The following KCTD5 variants were observed in gnomAD, a reference collection of about 807,000 sequenced individuals.
The protein encoded by KCTD5 is potassium channel tetramerization domain containing 5.
KCTD5 carries 12 observed loss-of-function variants against 27.9 expected under a neutral mutation model. The ratio of observed to expected loss-of-function variants is 0.43; its 90% CI spans 0.28 to 0.70. KCTD5 has a LOEUF of 0.70. KCTD5 is among the 30% of genes least tolerant of loss of function. The pLI is 0.19. For synonymous variants in KCTD5, 147 were observed against 121.4 expected (o/e 1.21, Z -1.39); for missense variants, 226 against 274.8 (o/e 0.82, Z 1.26).
intron 3 of KCTD5, 58 bp downstream of exon 3, chr16:2,698,055 C>G (rs2067594268): frequency 2.3e-6 from 3 of 1,298,308 alleles, no homozygotes; most frequent in Non-Finnish European, 3.3e-6. Flanking sequence ...AAGGGCTCCC[C>G]TTTACTCCCC....
intron 5 of KCTD5, among the ~76,000 whole-genome samples, chr16:2,704,258 C>T (rs566615982): frequency 1.2e-4 from 19 of 152,338 alleles, no homozygotes; most frequent in East Asian, 3.9e-4. Context: ...TGGGGGATTG[C>T]GGGGGCCAGA....
intron 3 of KCTD5, among the ~76,000 whole-genome samples, chr16:2,698,498 G>T (rs539264326): frequency 2.6e-5 from 4 of 152,244 alleles, no homozygotes; most frequent in Admixed American, 6.5e-5. Flanking sequence ...TGCAGCCAGG[G>T]GAGCCCAGGT....
At chr16:2,690,229 G>C (rs557851406) in intron 1 of KCTD5, among the ~76,000 whole-genome samples, 1 of 152,246 alleles carries the variant, frequency 6.6e-6, no homozygotes. Context: ...CTCTGTCTGC[G>C]GAGTCTTCCT....
chr16:2,687,741 GC>G (rs113201003), intron 1 of KCTD5, among the ~76,000 whole-genome samples: 9,797 of 150,786 alleles, frequency 0.065, 397 homozygotes, highest in African/African-American at 0.1. Context: ...TCTTTTAGCA[GC>G]CCCCCTCCAC....
chr16:2,701,534 G>A lies in KCTD5; in HGVS notation c.550-819G>A, dbSNP rs572375669. Among the ~76,000 whole-genome samples, 294 of 152,328 alleles carry A rather than the reference G, an allele frequency of 1.9e-3. 1 individual carries two copies. The highest frequency in any genetic ancestry group is 3.4e-3 in the Non-Finnish European group (234 of 68,010). On this transcript the variant is annotated intron_variant, in intron 4 of 5. Transcript: ENST00000301738. ...GGCCCATGCCGGCACCCCTGTGGCC[G>A]CCTCACTGGGCTGGGTCCACTGCTG...
At chr16:2,704,569 C>T (rs952282041) in intron 5 of KCTD5, among the ~76,000 whole-genome samples, 1 of 152,246 alleles carries the variant, frequency 6.6e-6, no homozygotes, top group East Asian at 1.9e-4. Flanking sequence ...CATTTATTCC[C>T]AAGGAACAGA....
chr16:2,699,130 C>T (rs1305550140), intron 3 of KCTD5: 6 of 456,116 alleles, frequency 1.3e-5, no homozygotes, highest in South Asian at 9.3e-5. Context: ...CCTCTGAACC[C>T]CTTCTCACTG....
At chr16:2,690,179 G>GGT (rs2067559122) in intron 1 of KCTD5, among the ~76,000 whole-genome samples, 1 of 152,262 alleles carries the variant, frequency 6.6e-6, no homozygotes, top group Non-Finnish European at 1.5e-5. Context: ...ACGTCCATCT[G>GGT]CGGCTGCCCT....
chr16:2,693,793 G>A (rs1395767271), intron 1 of KCTD5, among the ~76,000 whole-genome samples: 5 of 150,864 alleles, frequency 3.3e-5, no homozygotes, highest in Admixed American at 6.6e-5. Context: ...TGGGTGCCCT[G>A]GCACTCATGG....
intron 1 of KCTD5, chr16:2,684,442 G>C (rs1038143175): frequency 1.3e-5 from 2 of 151,408 alleles, no homozygotes; most frequent in Admixed American, 6.6e-5. Context: ...AAAACCAACC[G>C]GGCCAATATG....
At position 2,699,811 on chromosome 16, in the gene KCTD5, G is replaced by A; in HGVS notation, c.454-10G>A. The A allele has an allele frequency of 1.2e-6, 2 of 1,612,744 alleles. No homozygotes were observed. Among genetic ancestry groups the A allele is most frequent in the Non-Finnish European group, 1.7e-6 (2 of 1,179,408 alleles). ...TGGCCCGCCCTTACCTGTGCCCATT[G>A]TCCTTGCAGGTGCCTGTGAAGCATG... On this transcript the variant is annotated splice_polypyrimidine_tract_variant and intron_variant, in intron 3 of 5. Coordinates refer to ENST00000301738, the MANE Select transcript of KCTD5 (RefSeq NM_018992.4).
chr16:2,706,545 C>T (rs1567197088), intron 5 of KCTD5, among the ~76,000 whole-genome samples: 1 of 152,122 alleles, frequency 6.6e-6, no homozygotes, highest in South Asian at 2.1e-4. Context: ...CATTGGCCAG[C>T]GCCTGAGCCT....
At chr16:2,687,815 C>T (rs190410146) in intron 1 of KCTD5, among the ~76,000 whole-genome samples, 246 of 152,236 alleles carry the variant, frequency 1.6e-3, no homozygotes, top group African/African-American at 5.6e-3. Context: ...GCCTGCCTGG[C>T]GCCATGGGAG....
chr16:2,689,685 T>G (rs1204357745), intron 1 of KCTD5, among the ~76,000 whole-genome samples: 1 of 148,376 alleles, frequency 6.7e-6, no homozygotes. Context: ...TTTCTTTTCT[T>G]TTTTTTTTTT....
At chr16:2,706,459 C>T (rs1042516308) in intron 5 of KCTD5, among the ~76,000 whole-genome samples, 3 of 152,298 alleles carry the variant, frequency 2.0e-5, no homozygotes, top group African/African-American at 4.8e-5. Flanking sequence ...GCTCTCTGCT[C>T]GGGAGCGTGG....
intron 2 of KCTD5, among the ~76,000 whole-genome samples, chr16:2,696,457 G>A: frequency 6.6e-6 from 1 of 152,160 alleles, no homozygotes; most frequent in African/African-American, 2.4e-5. Flanking sequence ...CCCAAGGGTG[G>A]TGAATGTCTC....
chr16:2,697,796 G>A, intron 2 of KCTD5, 110 bp from the exon 3 acceptor site: 2 of 767,806 alleles, frequency 2.6e-6, no homozygotes, highest in Non-Finnish European at 4.5e-6. Flanking sequence ...GCTGGGCCGA[G>A]CCATGGGCCC....
At chr16:2,699,744 G>T in intron 3 of KCTD5, 77 bp from the exon 4 acceptor site, 2 of 1,358,398 alleles carry the variant, frequency 1.5e-6, no homozygotes, top group Non-Finnish European at 1.1e-6. Flanking sequence ...CAGCCTCCCT[G>T]GGTCACCTGG....
intron 1 of KCTD5, among the ~76,000 whole-genome samples, chr16:2,684,961 T>G (rs144028711): frequency 0.017 from 2,558 of 151,992 alleles, 67 homozygotes; most frequent in African/African-American, 0.058. Flanking sequence ...AATGCTTTAC[T>G]GTAGGAATCA....
Sources: allele counts gnomAD v4.1 joint callset (sites outside exome capture counted in the v4.1 genomes callset), GRCh38; gene constraint gnomAD v4.1.1; transcripts MANE v1.5; gene names NCBI Gene and HGNC (gene_info 2026-07-23, HGNC 2026-07-21).